Variants in ZBED3 observed in about 807,000 individuals in gnomAD.
The protein encoded by ZBED3 is zinc finger BED-type containing 3, also known as zinc finger BED domain-containing protein 3.
For synonymous variants in ZBED3, 175 were observed against 180.0 expected, an observed-to-expected ratio of 0.97 and a Z score of 0.22; for missense variants, 388 against 362.9, an observed-to-expected ratio of 1.07 and a Z score of -0.56.
In ZBED3 at chr5:77,072,942, A is replaced by G. The variant is rs1461645134; in HGVS notation, c.*4232T>C. ...TCTCTAGAACCTATTTTCCTAATCT[A>G]TCAAATGATGGAGTTGGACTGAACA... On this transcript the variant is annotated 3_prime_UTR_variant, in exon 3 of 3. Coordinates refer to ENST00000255198, the MANE Select transcript of ZBED3 (RefSeq NM_032367.4). 6.6e-6 allele frequency: 1 copy of G among 152,182 alleles called. No homozygotes were observed. Among genetic ancestry groups the G allele is most frequent in the Admixed American group, 6.5e-5 (1 of 15,280 alleles). The allele number at this position is 152,182 out of a possible 1,614,324, so 9.4% of individuals were successfully genotyped here.
In ZBED3 at chr5:77,076,025, A is replaced by ATATATATGTATATATGTATATATATATG; in HGVS notation, c.*1148_*1149insCATATATATATACATATATACATATATA. 1 of 72,526 alleles carries ATATATATGTATATATGTATATATATATG rather than the reference A, an allele frequency of 1.4e-5. No individual in the cohort carries two copies. Among genetic ancestry groups the ATATATATGTATATATGTATATATATATG allele is most frequent in the African/African-American group, 5.3e-5 (1 of 18,780 alleles). The allele number at this position is 72,526 out of a possible 1,614,324, so 4.5% of individuals were successfully genotyped here. ...TGTATATATATATGTATATATGTAT[A>ATATATATGTATATATGTATATATATATG]TATATATGTATATATGTATATATAT... On this transcript the variant is annotated 3_prime_UTR_variant, in exon 3 of 3. Transcript: ENST00000255198.
intron 1 of ZBED3, among the ~76,000 whole-genome samples, chr5:77,086,120 TTACTTTGCTTAATAGA>T (rs1414968033): frequency 3.3e-5 from 5 of 152,360 alleles, no homozygotes; most frequent in African/African-American, 1.2e-4. Flanking sequence ...CAGGTCTGCA[TTACTTTGCTTAATAGA>T]TATGGTCCTA....
intron 1 of ZBED3, 182 bp downstream of exon 1, chr5:77,086,929 C>T (rs992265953): frequency 6.6e-6 from 1 of 152,322 alleles, no homozygotes; most frequent in Admixed American, 6.5e-5. Flanking sequence ...GCCACAGAAT[C>T]CCGGGCCCAC....
intron 1 of ZBED3, among the ~76,000 whole-genome samples, chr5:77,082,936 G>A (rs1318422227): frequency 1.3e-5 from 2 of 152,176 alleles, no homozygotes; most frequent in Admixed American, 6.5e-5. Context: ...AGGAGTTCAA[G>A]ACCAGCCTGG....
Position 77,077,788 on chromosome 5 carries a change from GC to G in ZBED3, c.90del (p.Pro31ArgfsTer63). The G allele has an allele frequency of 1.5e-6, 2 of 1,316,016 alleles. No homozygotes were observed. The highest frequency in any genetic ancestry group is 2.2e-5 in the South Asian group (1 of 46,432). The allele number at this position is 1,316,016 out of a possible 1,614,324, so 81.5% of individuals were successfully genotyped here. A position where few individuals can be genotyped will look rare whatever the true frequency, so the allele number is the denominator to read the frequency against. ...CCGGGAGGCGTCGGCGTCGGCGCCGGCCCCAGTCCCGGACACTGACCGCCCC... is the reference window on the plus strand; with the variant it reads ...CCGGGAGGCGTCGGCGTCGGCGCCGGCCCAGTCCCGGACACTGACCGCCCC... The part of the protein sequence containing the change: ...AARGGQCPGL[G>X]PAPTPTPPGR... On this transcript the variant is annotated frameshift_variant, in exon 3 of 3. Transcript: ENST00000255198. LOFTEE classifies it low-confidence loss of function (END_TRUNC).
chr5:77,080,135 C>G (rs1486610770), intron 1 of ZBED3, among the ~76,000 whole-genome samples: 5 of 152,132 alleles, frequency 3.3e-5, no homozygotes, highest in Non-Finnish European at 2.9e-5. Flanking sequence ...TTCTGATATG[C>G]TTTCTTGAGC....
rs1032388868 is a variant in ZBED3, at chr5:77,077,108, C to T, written c.*66G>A. ...GCTTCGGTTACGGCTTCGGTCCCAG[C>T]GGGGTCTGAAGGCATTGGCATTGGA... On this transcript the variant is annotated 3_prime_UTR_variant, in exon 3 of 3. Coordinates refer to ENST00000255198, the MANE Select transcript of ZBED3 (RefSeq NM_032367.4). The T allele has an allele frequency of 2.5e-6, 3 of 1,200,464 alleles. No individual in the cohort carries two copies. Among genetic ancestry groups the T allele is most frequent in the Non-Finnish European group, 3.2e-6 (3 of 942,078 alleles). 74.4% of individuals were successfully genotyped at this position (1,200,464 alleles called of 1,614,324 possible).
Position 77,077,831 on chromosome 5 carries a change from C to T in ZBED3, c.48G>A (p.Leu16=). Residue 16 remains leucine, a synonymous_variant, in exon 3 of 3, where the codon CTG becomes CTA. Coordinates refer to ENST00000255198, the MANE Select transcript of ZBED3 (RefSeq NM_032367.4). The stretch of plus-strand genomic sequence containing the variant: ...GACCGCCCCGCGCCGCCGCGTCGTC[C>T]AGCCCGCGGGCCTGGTCCATGGTGC... ...PACTMDQARG[L]DDAAARGGQC... The T allele has an allele frequency of 7.7e-7, 1 of 1,294,084 alleles. No individual in the cohort carries two copies. Among genetic ancestry groups the T allele is most frequent in the Non-Finnish European group, 9.7e-7 (1 of 1,026,700 alleles). The allele number at this position is 1,294,084 out of a possible 1,614,324, so 80.2% of individuals were successfully genotyped here. A position where few individuals can be genotyped will look rare whatever the true frequency, so the allele number is the denominator to read the frequency against.
In ZBED3 at chr5:77,072,320, A is replaced by G. The variant is rs548129606; in HGVS notation, c.*4854T>C. The G allele has an allele frequency of 3.3e-5, 5 of 152,316 alleles. No individual in the cohort carries two copies. Among genetic ancestry groups the G allele is most frequent in the African/African-American group, 7.2e-5 (3 of 41,564 alleles). 9.4% of individuals were successfully genotyped at this position (152,316 alleles called of 1,614,324 possible). A position where few individuals can be genotyped will look rare whatever the true frequency, so the allele number is the denominator to read the frequency against. ...TATGAGCCACACTAAAATAATTATC[A>G]TTGTTTTATTATAATCTCACCTTAT... On this transcript the variant is annotated 3_prime_UTR_variant, in exon 3 of 3. Transcript: ENST00000255198.
intron 1 of ZBED3, chr5:77,080,528 G>C (rs1365634460): frequency 1.7e-5 from 9 of 519,050 alleles, no homozygotes; most frequent in Non-Finnish European, 3.1e-5. Flanking sequence ...TTAACCGGTG[G>C]AAGGCAGCAC....
rs1246582133 is a variant in ZBED3 at position 77,077,671 on chromosome 5, G to A, written c.208C>T (p.Arg70Cys). 3 of 1,388,406 alleles carry A rather than the reference G, an allele frequency of 2.2e-6. No homozygotes were observed. Among genetic ancestry groups the A allele is most frequent in the Middle Eastern group, 2.6e-4 (1 of 3,784 alleles). The allele number at this position is 1,388,406 out of a possible 1,614,324, so 86.0% of individuals were successfully genotyped here. ...GHPSGHWATC[R>C]LCGEQVGRGP... ...CGGCCCACCTGCTCCCCGCACAGACGGCAGGTGGCCCAGTGGCCCGACGGA... is the reference window on the plus strand; with the variant it reads ...CGGCCCACCTGCTCCCCGCACAGACAGCAGGTGGCCCAGTGGCCCGACGGA... Residue 70 changes from arginine to cysteine, a missense_variant, in exon 3 of 3, where the codon CGT (arginine) becomes TGT (cysteine). By Grantham distance (180) the Arg-to-Cys change is radical. Coordinates refer to ENST00000255198, the MANE Select transcript of ZBED3 (RefSeq NM_032367.4).
In ZBED3 at chr5:77,077,748, G is replaced by C. The variant is rs1743052334; in HGVS notation, c.131C>G (p.Pro44Arg). Residue 44 changes from proline to arginine, a missense_variant, in exon 3 of 3, where the codon CCA (proline) becomes CGA (arginine). Transcript: ENST00000255198. ...GAAGTAGCCCCAGGCCTCGGAGTATGGCGCCCCCAGGCGGCCGGGAGGCGT... is the reference window on the plus strand; with the variant it reads ...GAAGTAGCCCCAGGCCTCGGAGTATCGCGCCCCCAGGCGGCCGGGAGGCGT... ...TPTPPGRLGA[P>R]YSEAWGYFHL... The C allele has an allele frequency of 1.5e-6, 2 of 1,324,978 alleles. No individual in the cohort carries two copies. Among genetic ancestry groups the C allele is most frequent in the South Asian group, 4.0e-5 (2 of 49,910 alleles). 82.1% of individuals were successfully genotyped at this position (1,324,978 alleles called of 1,614,324 possible).
At chr5:77,080,234 G>A (rs1743101203) in intron 1 of ZBED3, among the ~76,000 whole-genome samples, 1 of 152,218 alleles carries the variant, frequency 6.6e-6, no homozygotes, top group African/African-American at 2.4e-5. Context: ...CCCTGATAGT[G>A]CCAGAGGTGA....
At position 77,076,005 on chromosome 5, in the gene ZBED3, A is replaced by G. The variant is rs10942808; in HGVS notation, c.*1169T>C. On this transcript the variant is annotated 3_prime_UTR_variant, in exon 3 of 3. Transcript: ENST00000255198. ...TGTATATATATATGTATATATGTAT[A>G]TATATATGTATATATGTATATATAT... The G allele has an allele frequency of 1.9e-3, 99 of 51,618 alleles. 16 individuals carry two copies. The highest frequency in any genetic ancestry group is 2.4e-3 in the Non-Finnish European group (55 of 23,256). The allele number at this position is 51,618 out of a possible 1,614,324, so 3.2% of individuals were successfully genotyped here.
chr5:77,079,615 A>G (rs1743090798), intron 1 of ZBED3, among the ~76,000 whole-genome samples: 1 of 152,244 alleles, frequency 6.6e-6, no homozygotes, highest in Non-Finnish European at 1.5e-5. Flanking sequence ...GACAAGTACC[A>G]TGCGTCTTCT....
At position 77,075,963 on chromosome 5, in the gene ZBED3, ATATG is replaced by A. The variant is rs1321401650; in HGVS notation, c.*1207_*1210del. ...TATATACATATATATATATATATAT[ATATG>A]TATATGTATATATGTATATATATAT... is the stretch of plus-strand genomic sequence containing the variant. On this transcript the variant is annotated 3_prime_UTR_variant, in exon 3 of 3. Transcript: ENST00000255198. The A allele has an allele frequency of 0.034, 856 of 25,506 alleles. 79 individuals carry two copies. The highest frequency in any genetic ancestry group is 0.11 in the African/African-American group (614 of 5,746). The allele number at this position is 25,506 out of a possible 1,614,324, so 1.6% of individuals were successfully genotyped here.
chr5:77,086,981 G>GAAGGGCAT, intron 1 of ZBED3, 130 bp downstream of exon 1: 1 of 152,230 alleles, frequency 6.6e-6, no homozygotes, highest in Admixed American at 6.5e-5. Context: ...GAGAAGGGCA[G>GAAGGGCAT]CCCAGCGAAG....
chr5:77,083,333 CAGA>C (rs1228692433), intron 1 of ZBED3, among the ~76,000 whole-genome samples: 4 of 152,140 alleles, frequency 2.6e-5, no homozygotes, highest in Non-Finnish European at 4.4e-5. Context: ...CTGTGCTCTG[CAGA>C]AGGAGATTCT....
intron 1 of ZBED3, among the ~76,000 whole-genome samples, chr5:77,084,953 G>GA (rs1743208163): frequency 6.6e-6 from 1 of 152,190 alleles, no homozygotes; most frequent in Non-Finnish European, 1.5e-5. Flanking sequence ...ATTTCAGGGT[G>GA]AAAAAAACTG....
Sources: allele counts gnomAD v4.1 joint callset (sites outside exome capture counted in the v4.1 genomes callset), GRCh38; gene constraint gnomAD v4.1.1; transcripts MANE v1.5; gene names NCBI Gene and HGNC (gene_info 2026-07-23, HGNC 2026-07-21).